AFF3: variants seen among roughly 807,000 people sequenced by gnomAD.
AFF3 encodes AF4/FMR2 family member 3.
Under a neutral mutation model 129.7 loss-of-function variants are expected in AFF3, and 32 were observed. The observed-to-expected ratio is 0.25, with a 90% CI of 0.19 to 0.33. AFF3 has a LOEUF of 0.33. Among genes scored for constraint, AFF3 ranks in the 10% least tolerant of loss-of-function variants. The pLI, the probability that AFF3 is intolerant of heterozygous loss-of-function variation, is 1.00. For synonymous variants in AFF3, 644 were observed against 635.4 expected (o/e 1.01, Z -0.20); for missense variants, 1,373 against 1,592.0 (o/e 0.86, Z 2.34).
At chr2:99,560,570 G>T in intron 20 of AFF3, 134 bp from the exon 21 acceptor site, 2 of 807,614 alleles carry the variant, frequency 2.5e-6, no homozygotes, top group Non-Finnish European at 2.0e-6. Flanking sequence ...CATAGTACTT[G>T]CTGATAATTC....
chr2:100,086,651 A>G (rs1297543104), intron 4 of AFF3, among the ~76,000 whole-genome samples: 7 of 152,256 alleles, frequency 4.6e-5, no homozygotes, highest in Admixed American at 4.6e-4. Context: ...TCCAGGAAGT[A>G]TATTAAATGG....
At position 99,961,214 on chromosome 2, in the gene AFF3, A is replaced by G. The variant is rs191534452; in HGVS notation, c.873+45418T>C. 5.6e-3 allele frequency among the ~76,000 whole-genome samples: 850 copies of G among 152,216 alleles called. 7 individuals carry two copies. The highest frequency in any genetic ancestry group is 0.02 in the African/African-American group (821 of 41,530). The stretch of plus-strand genomic sequence containing the variant: ...GCATATGGTGAAGCAGGGCCAAGAC[A>G]ACTTGGGAAAGGTGTCTTGTTTTAA... On this transcript the variant is annotated intron_variant, in intron 7 of 24. Transcript: ENST00000672756.
intron 4 of AFF3, among the ~76,000 whole-genome samples, chr2:100,041,705 A>G (rs761241131): frequency 2.6e-4 from 39 of 152,298 alleles, no homozygotes; most frequent in Non-Finnish European, 5.1e-4. Flanking sequence ...CATAGATAAA[A>G]CTGCATGTAT....
At chr2:99,591,213 G>A (rs908535622) in intron 15 of AFF3, among the ~76,000 whole-genome samples, 4 of 151,808 alleles carry the variant, frequency 2.6e-5, no homozygotes, top group South Asian at 2.1e-4. Context: ...TTGAGATGGC[G>A]TCTTGCTCTG....
At position 100,104,478 on chromosome 2, in the gene AFF3, C is replaced by T. The variant is rs1313592972; in HGVS notation, c.-24G>A. ...ATGGTGGGAGGTGTCAGCGTCGCCGCCGCCGCTACCGCCGCCGCCGAGGCT... is the reference window on the plus strand; with the variant it reads ...ATGGTGGGAGGTGTCAGCGTCGCCGTCGCCGCTACCGCCGCCGCCGAGGCT... On this transcript the variant is annotated 5_prime_UTR_variant, in exon 4 of 25. Coordinates refer to ENST00000672756, the MANE Select transcript of AFF3 (RefSeq NM_001386135.1). 10 of 1,303,812 alleles carry T rather than the reference C, an allele frequency of 7.7e-6. No individual in the cohort carries two copies. The highest frequency in any genetic ancestry group is 2.0e-6 in the Non-Finnish European group (2 of 1,001,192). 80.8% of individuals were successfully genotyped at this position (1,303,812 alleles called of 1,614,324 possible). A position where few individuals can be genotyped will look rare whatever the true frequency, so the allele number is the denominator to read the frequency against.
At chr2:99,743,361 T>C (rs1680879036) in intron 10 of AFF3, among the ~76,000 whole-genome samples, 1 of 152,218 alleles carries the variant, frequency 6.6e-6, no homozygotes, top group African/African-American at 2.4e-5. Flanking sequence ...TCAGAGGATG[T>C]TCAGTCTTCA....
At chr2:99,958,486 A>G (rs893106047) in intron 7 of AFF3, among the ~76,000 whole-genome samples, 15 of 114,840 alleles carry the variant, frequency 1.3e-4, no homozygotes, top group African/African-American at 3.6e-4. Context: ...CTCTGTCTCG[A>G]AAAAAAAAAA....
Position 99,587,179 on chromosome 2 carries a change from T to C in AFF3, c.2566A>G (p.Asn856Asp), listed in dbSNP as rs1231656072. 1 of 1,614,050 alleles carries C rather than the reference T, an allele frequency of 6.2e-7. No individual in the cohort carries two copies. The highest frequency in any genetic ancestry group is 1.3e-5 in the African/African-American group (1 of 74,926). The change falls in exon 16 of 25, where the codon AAC becomes GAC. Residue 856 changes from asparagine (N) to aspartate (D), a missense_variant. Physicochemically the swap from Asn to Asp is conservative, Grantham distance 23. Around this residue, in one of 9 missense-constraint regions of AFF3, gnomAD observed 466 missense variants for 505.0 expected, o/e 0.92. Transcript: ENST00000672756. The part of the protein sequence containing the change: ...ATSTSNTLSA[N>D]HCNMNINSVA... Reference sequence around the variant, plus strand: ...CTGTTGATGTTCATGTTGCAGTGGTTTGCAGACAAAGTATTACTGGTGGAG... The same window carrying C: ...CTGTTGATGTTCATGTTGCAGTGGTCTGCAGACAAAGTATTACTGGTGGAG...
intron 13 of AFF3, among the ~76,000 whole-genome samples, chr2:99,642,355 T>C (rs1638929558): frequency 6.6e-6 from 1 of 152,152 alleles, no homozygotes; most frequent in African/African-American, 2.4e-5. Flanking sequence ...TTTCCATTTC[T>C]TCCCCCTGTG....
At chr2:99,986,570 T>C (rs1039181323) in intron 7 of AFF3, among the ~76,000 whole-genome samples, 5 of 152,228 alleles carry the variant, frequency 3.3e-5, no homozygotes, top group African/African-American at 1.2e-4. Context: ...ATTAGTACTA[T>C]ATTTAAAGCA....
intron 8 of AFF3, among the ~76,000 whole-genome samples, chr2:99,778,897 C>CGTGT (rs61526527): frequency 2.7e-3 from 117 of 43,192 alleles, no homozygotes; most frequent in South Asian, 8.8e-3. Flanking sequence ...TGTGTGTGCG[C>CGTGT]GTGTGTGTGT....
chr2:100,004,703 A>ACTAC (rs1483671245), intron 7 of AFF3, among the ~76,000 whole-genome samples: 1 of 152,210 alleles, frequency 6.6e-6, no homozygotes, highest in African/African-American at 2.4e-5. Context: ...GAAGGGTAGA[A>ACTAC]GTAACTCACT....
intron 9 of AFF3, among the ~76,000 whole-genome samples, chr2:99,746,110 C>A (rs1398748755): frequency 6.7e-6 from 1 of 150,332 alleles, no homozygotes; most frequent in Non-Finnish European, 1.5e-5. Context: ...ACTTGTACCC[C>A]AAAAGCTATT....
Position 99,949,941 on chromosome 2 carries a change from T to C in AFF3, c.873+56691A>G, listed in dbSNP as rs183179897. Among the ~76,000 whole-genome samples, 288 of 152,338 alleles carry C rather than the reference T, an allele frequency of 1.9e-3. 1 individual carries two copies. The highest frequency in any genetic ancestry group is 3.3e-3 in the South Asian group (16 of 4,828). On this transcript the variant is annotated intron_variant, in intron 7 of 24. Coordinates refer to ENST00000672756, the MANE Select transcript of AFF3 (RefSeq NM_001386135.1). ...TAAATACTCATAACTCTTATAAATATTTCAAATATCAAATAATGGAATAAA... is the reference window on the plus strand; with the variant it reads ...TAAATACTCATAACTCTTATAAATACTTCAAATATCAAATAATGGAATAAA...
intron 20 of AFF3, among the ~76,000 whole-genome samples, chr2:99,561,139 A>G (rs1299839663): frequency 1.3e-5 from 2 of 152,248 alleles, no homozygotes; most frequent in African/African-American, 2.4e-5. Flanking sequence ...TCAGCGACTT[A>G]TAAGTTGTAA....
At chr2:99,811,960 C>A (rs924193541) in intron 8 of AFF3, among the ~76,000 whole-genome samples, 2 of 152,204 alleles carry the variant, frequency 1.3e-5, no homozygotes, top group Non-Finnish European at 2.9e-5. Context: ...ATATTTCAGT[C>A]ATGTAAGCCA....
intron 8 of AFF3, among the ~76,000 whole-genome samples, chr2:99,778,139 G>A (rs1684089811): frequency 6.6e-6 from 1 of 151,962 alleles, no homozygotes; most frequent in Admixed American, 6.6e-5. Context: ...TGAAGCCAGA[G>A]TGACCCCTGC....
intron 4 of AFF3, among the ~76,000 whole-genome samples, chr2:100,036,025 C>G (rs1684863212): frequency 1.3e-5 from 2 of 149,792 alleles, no homozygotes; most frequent in African/African-American, 4.9e-5. Context: ...CCCTTGAATC[C>G]TTTAATCTAC....
rs530941355 is a variant in AFF3, at chr2:99,611,880, T to A, written c.1185-10259A>T. Among the ~76,000 whole-genome samples the A allele has an allele frequency of 2.3e-5, 3 of 128,694 alleles. No individual in the cohort carries two copies. In the South Asian group the frequency reaches 7.7e-4, roughly 33 times the overall value. 84.4% of individuals were successfully genotyped at this position (128,694 alleles called of 152,430 possible). On this transcript the variant is annotated intron_variant, in intron 13 of 24. Transcript: ENST00000672756. Reference sequence around the variant, plus strand: ...CCAGCCTGGGCGACAGAGTGAGATATCATCTCAAAAAAAAAAAAATTTATT... The same window carrying A: ...CCAGCCTGGGCGACAGAGTGAGATAACATCTCAAAAAAAAAAAAATTTATT...
Sources: allele counts gnomAD v4.1 joint callset (sites outside exome capture counted in the v4.1 genomes callset), GRCh38; gene constraint gnomAD v4.1.1; regional missense constraint gnomAD v4.1.1; transcripts MANE v1.5; gene names NCBI Gene and HGNC (gene_info 2026-07-23, HGNC 2026-07-21).